The following CHL1 variants were observed in gnomAD, a reference collection of about 807,000 sequenced individuals.
The protein encoded by CHL1 is cell adhesion molecule L1 like, also known as neural cell adhesion molecule L1-like protein.
In CHL1, 96 loss-of-function variants were observed where a neutral mutation model predicts 141.9. The ratio of observed to expected loss-of-function variants is 0.68; its 90% confidence interval spans 0.57 to 0.80. The LOEUF (loss-of-function observed/expected upper bound fraction) is 0.80. Ranked by LOEUF, CHL1 falls within the 30% of genes least tolerant of loss-of-function variation. The probability of loss-of-function intolerance (pLI) is 0.00; values close to 1 mark genes in which losing one functional copy is unlikely to be tolerated. For missense variants in CHL1, 1,820 were observed against 1,457.2 expected, an observed-to-expected ratio of 1.25 and a Z score of -4.05; for synonymous variants, 613 against 502.2, an observed-to-expected ratio of 1.22 and a Z score of -2.95.
At chr3:300,525 T>C (rs564857169) in intron 2 of CHL1, among the ~76,000 whole-genome samples, 4 of 152,206 alleles carry the variant, frequency 2.6e-5, no homozygotes, top group Non-Finnish European at 5.9e-5. Flanking sequence ...TTCATTTTTA[T>C]TGGCATCCAA....
At chr3:303,789 CCTTGT>C (rs1559225036) in intron 2 of CHL1, among the ~76,000 whole-genome samples, 1 of 151,960 alleles carries the variant, frequency 6.6e-6, no homozygotes, top group African/African-American at 2.4e-5. Context: ...GAGAGGGCAT[CCTTGT>C]CTTGTGCTGG....
chr3:348,989 A>G lies in CHL1; in HGVS notation c.849-370A>G, dbSNP rs954051820. ...CTGTTATCACTGGCTGCCCCAAACCACCCACTGGGAGATTTTCACACTTGG... is the reference window on the plus strand; with the variant it reads ...CTGTTATCACTGGCTGCCCCAAACCGCCCACTGGGAGATTTTCACACTTGG... On this transcript the variant is annotated intron_variant, in intron 9 of 27. Coordinates refer to ENST00000256509, the MANE Select transcript of CHL1 (RefSeq NM_006614.4). Among the ~76,000 whole-genome samples the G allele has an allele frequency of 4.6e-5, 7 of 152,198 alleles. No homozygotes were observed. In the South Asian group the frequency reaches 6.2e-4, roughly 14 times the overall value.
rs1222563322 is a variant in CHL1, at chr3:349,645, A to G, written c.1033+102A>G. The G allele has an allele frequency of 4.0e-6, 4 of 1,004,356 alleles. No individual in the cohort carries two copies. In the East Asian group the frequency reaches 9.6e-5, roughly 24 times the overall value. The allele number at this position is 1,004,356 out of a possible 1,614,324, so 62.2% of individuals were successfully genotyped here. ...ATCATACATGTTAAAACAGGTCAGC[A>G]GTTTCAACTTTTAATTGTAGTGCGG... is the stretch of plus-strand genomic sequence containing the variant. On this transcript the variant is annotated intron_variant, in intron 10 of 27. Transcript: ENST00000256509.
intron 1 of CHL1, among the ~76,000 whole-genome samples, chr3:234,425 G>C (rs1446216482): frequency 6.6e-6 from 1 of 152,004 alleles, no homozygotes; most frequent in East Asian, 1.9e-4. Context: ...TGTCTCCCAA[G>C]GTTCACTGCA....
In CHL1 at chr3:266,487, A is replaced by G. The variant is rs77687290; in HGVS notation, c.-95+21795A>G. 3.4e-4 allele frequency among the ~76,000 whole-genome samples: 52 copies of G among 152,302 alleles called. No individual in the cohort carries two copies. In the East Asian group the frequency reaches 9.3e-3, roughly 27 times the overall value. On this transcript the variant is annotated intron_variant, in intron 2 of 27. Coordinates refer to ENST00000256509, the MANE Select transcript of CHL1 (RefSeq NM_006614.4). The stretch of plus-strand genomic sequence containing the variant: ...AGTTTCTTTGGAATTAATAAAAATT[A>G]TGAGCAAACTGACTCCTTTCCTGAG...
intron 10 of CHL1, among the ~76,000 whole-genome samples, chr3:350,983 AC>A (rs752313437): frequency 2.0e-5 from 3 of 151,766 alleles, no homozygotes; most frequent in Admixed American, 6.6e-5. Flanking sequence ...TTTTTCTGTA[AC>A]CCCCTCCTCC....
chr3:340,736 T>A (rs1464346540), intron 5 of CHL1, 58 bp from the exon 6 acceptor site: 18 of 1,360,890 alleles, frequency 1.3e-5, no homozygotes, highest in Middle Eastern at 3.6e-4. Flanking sequence ...TTAAGATATT[T>A]GTTGTTATAG....
intron 22 of CHL1, 26 bp from the exon 23 acceptor site, chr3:391,648 GT>G: frequency 6.4e-7 from 1 of 1,556,990 alleles, no homozygotes; most frequent in Non-Finnish European, 8.7e-7. Context: ...ATTGATGTGA[GT>G]TTATTTTTGG....
chr3:340,105 T>C (rs540206620), intron 5 of CHL1, among the ~76,000 whole-genome samples: 1 of 152,334 alleles, frequency 6.6e-6, no homozygotes, highest in African/African-American at 2.4e-5. Context: ...ACTTATATTC[T>C]GATTATAACT....
In CHL1 at chr3:389,243, C is replaced by T. The variant is rs1433638654; in HGVS notation, c.2248-9C>T. 8 of 1,587,844 alleles carry T rather than the reference C, an allele frequency of 5.0e-6. No individual in the cohort carries two copies. The East Asian group carries it at 1.1e-4, about 23-fold the overall frequency. ...GATCAGACTAAATGAGTCTTGCCTT[C>T]TGTTTTAGCCTTTGAAATCCATGGA... On this transcript the variant is annotated splice_polypyrimidine_tract_variant and intron_variant, in intron 19 of 27. Transcript: ENST00000256509.
At position 403,906 on chromosome 3, in the gene CHL1, C is replaced by A. The variant is rs371010907; in HGVS notation, c.3459-1589C>A. Among the ~76,000 whole-genome samples, 40 of 152,206 alleles carry A rather than the reference C, an allele frequency of 2.6e-4. No homozygotes were observed. The South Asian group carries it at 7.7e-3, about 29-fold the overall frequency. The stretch of plus-strand genomic sequence containing the variant: ...ATCCCTTTTGTTATTTTTCTTTATT[C>A]TTTGTTCCTGATTCCTCAGCCGATG... On this transcript the variant is annotated intron_variant, in intron 27 of 27. Transcript: ENST00000256509.
In CHL1 at chr3:389,571, T is replaced by C. The variant is rs1708056726; in HGVS notation, c.2470+97T>C. 21 of 898,908 alleles carry C rather than the reference T, an allele frequency of 2.3e-5. No individual in the cohort carries two copies. In the South Asian group the frequency reaches 3.2e-4, roughly 14 times the overall value. 55.7% of individuals were successfully genotyped at this position (898,908 alleles called of 1,614,324 possible). Reference sequence around the variant, plus strand: ...CAAATATTTGTGAACAACTACTGCATGCAAAGAGGATGTACTAGCCGTGGG... The same window carrying C: ...CAAATATTTGTGAACAACTACTGCACGCAAAGAGGATGTACTAGCCGTGGG... On this transcript the variant is annotated intron_variant, in intron 20 of 27. Transcript: ENST00000256509.
intron 25 of CHL1, 68 bp downstream of exon 25, chr3:398,453 C>A: frequency 2.1e-6 from 2 of 966,814 alleles, no homozygotes. Context: ...TTAGTGTTGC[C>A]TGTGTCCTAT....
intron 15 of CHL1, among the ~76,000 whole-genome samples, chr3:374,431 G>T (rs1005224067): frequency 6.6e-6 from 1 of 152,094 alleles, no homozygotes; most frequent in African/African-American, 2.4e-5. Flanking sequence ...TCTTCCATGT[G>T]ACCTCTGGGC....
intron 15 of CHL1, chr3:373,556 T>C (rs1705918117): frequency 6.6e-6 from 1 of 152,384 alleles, no homozygotes; most frequent in Non-Finnish European, 1.5e-5. Flanking sequence ...TGTTAGGCAG[T>C]TGTGATTCCC....
chr3:258,935 T>G (rs1165280436), intron 2 of CHL1, among the ~76,000 whole-genome samples: 2 of 78,436 alleles, frequency 2.5e-5, no homozygotes, highest in African/African-American at 1.3e-4. Flanking sequence ...TGGCAACATC[T>G]TTTTTTTTTT....
chr3:269,023 T>C (rs954207508), intron 2 of CHL1, among the ~76,000 whole-genome samples: 1 of 152,198 alleles, frequency 6.6e-6, no homozygotes, highest in African/African-American at 2.4e-5. Context: ...CACAGCTGCA[T>C]GCAGAGATTA....
chr3:268,288 C>T (rs1574913128), intron 2 of CHL1, among the ~76,000 whole-genome samples: 1 of 152,084 alleles, frequency 6.6e-6, no homozygotes. Flanking sequence ...AATCCCAGCA[C>T]TTTGGGAGGC....
intron 1 of CHL1, among the ~76,000 whole-genome samples, chr3:233,139 C>T (rs1236947729): frequency 6.6e-6 from 1 of 152,054 alleles, no homozygotes; most frequent in Non-Finnish European, 1.5e-5. Flanking sequence ...TCATTTCTTA[C>T]TACAAATCCA....
Sources: gnomAD v4.1 joint callset for allele counts (sites outside exome capture counted in the v4.1 genomes callset) on GRCh38, gnomAD v4.1.1 for gene constraint, MANE v1.5 for transcripts, NCBI Gene and HGNC (gene_info 2026-07-23, HGNC 2026-07-21) for gene names.